The following ZCCHC7 variants were observed in gnomAD, a reference collection of about 807,000 sequenced individuals.
ZCCHC7 encodes zinc finger CCHC domain-containing protein 7.
ZCCHC7 carries 35 observed loss-of-function variants against 52.0 expected under a neutral mutation model. That is an observed-to-expected ratio of 0.67 (90% CI 0.51 to 0.89). The LOEUF is 0.89. Among genes scored for constraint, ZCCHC7 ranks in the 40% least tolerant of loss-of-function variants. ZCCHC7 has a pLI of 0.00. For synonymous variants in ZCCHC7, 217 were observed against 221.5 expected (o/e 0.98, Z 0.18); for missense variants, 574 against 649.1 (o/e 0.88, Z 1.26).
chr9:37,206,539 A>C (rs1356129317), intron 2 of ZCCHC7, among the ~76,000 whole-genome samples: 1 of 151,880 alleles, frequency 6.6e-6, no homozygotes, highest in Non-Finnish European at 1.5e-5. Context: ...TTTTGTAGAG[A>C]TGGGTTTTGC....
rs943737063 is a variant in ZCCHC7 at position 37,134,818 on chromosome 9, C to T, written c.610+7876C>T. 3.9e-5 allele frequency among the ~76,000 whole-genome samples: 6 copies of T among 152,260 alleles called. No individual in the cohort carries two copies. In the East Asian group the frequency reaches 5.8e-4, roughly 15 times the overall value. On this transcript the variant is annotated intron_variant, in intron 2 of 8. Transcript: ENST00000336755. ...TCAGCTCACCGCAACTTCCGCCTCC[C>T]GGGTTCAAGTGATTCTTCTGCCTCA...
At chr9:37,341,347 G>A (rs78947593) in intron 6 of ZCCHC7, among the ~76,000 whole-genome samples, 2 of 152,170 alleles carry the variant, frequency 1.3e-5, no homozygotes, top group Non-Finnish European at 2.9e-5. Context: ...TTATTAACAA[G>A]AGCTAAATCA....
chr9:37,209,198 G>A (rs913014694), intron 2 of ZCCHC7, among the ~76,000 whole-genome samples: 10 of 151,978 alleles, frequency 6.6e-5, no homozygotes, highest in African/African-American at 2.4e-4. Context: ...CCACAACCAC[G>A]CCTGGCTAAC....
At chr9:37,126,182 T>G in intron 1 of ZCCHC7, 130 bp from the exon 2 acceptor site, 3 of 935,622 alleles carry the variant, frequency 3.2e-6, no homozygotes, top group Non-Finnish European at 4.7e-6. Flanking sequence ...GAAAAAAAGG[T>G]ATTTTAATAT....
intron 2 of ZCCHC7, among the ~76,000 whole-genome samples, chr9:37,157,253 A>G (rs1037055631): frequency 4.0e-5 from 6 of 151,156 alleles, no homozygotes; most frequent in African/African-American, 1.5e-4. Flanking sequence ...GTGCCAGCAC[A>G]TGGGAAGATA....
intron 2 of ZCCHC7, among the ~76,000 whole-genome samples, chr9:37,227,710 A>G (rs1000306333): frequency 6.6e-6 from 1 of 152,234 alleles, no homozygotes; most frequent in African/African-American, 2.4e-5. Context: ...TAGTAAACTG[A>G]TAAGCAAATG....
chr9:37,184,616 T>G (rs1822550964), intron 2 of ZCCHC7, among the ~76,000 whole-genome samples: 1 of 152,114 alleles, frequency 6.6e-6, no homozygotes, highest in African/African-American at 2.4e-5. Context: ...CCAGCTTTAT[T>G]TATTGATCTG....
Position 37,131,367 on chromosome 9 carries a change from C to T in ZCCHC7, c.610+4425C>T, listed in dbSNP as rs544596108. Among the ~76,000 whole-genome samples the T allele has an allele frequency of 2.0e-5, 3 of 150,842 alleles. No homozygotes were observed. The East Asian group carries it at 5.9e-4, about 30-fold the overall frequency. ...AAAAAAAGAAAAAAAAAATACAGGC[C>T]GGGCATGGTGGCTCACACCTGTAAT... On this transcript the variant is annotated intron_variant, in intron 2 of 8. Transcript: ENST00000336755.
intron 2 of ZCCHC7, among the ~76,000 whole-genome samples, chr9:37,278,755 C>T (rs1374775588): frequency 6.6e-6 from 1 of 151,956 alleles, no homozygotes; most frequent in Non-Finnish European, 1.5e-5. Context: ...ACAATGGAGG[C>T]CAAATGCAGT....
Position 37,124,194 on chromosome 9 carries a change from C to T in ZCCHC7, c.-21-2118C>T, listed in dbSNP as rs116325428. On this transcript the variant is annotated intron_variant, in intron 1 of 8. Coordinates refer to ENST00000336755, the MANE Select transcript of ZCCHC7 (RefSeq NM_032226.3). ...AGAATAAATAGGCATCATTATTGCTCTTTAGGCTGTCCCTGATTTTGGACA... is the reference window on the plus strand; with the variant it reads ...AGAATAAATAGGCATCATTATTGCTTTTTAGGCTGTCCCTGATTTTGGACA... 3.0e-3 allele frequency among the ~76,000 whole-genome samples: 455 copies of T among 152,152 alleles called. 2 individuals are homozygous for T. Among genetic ancestry groups the T allele is most frequent in the African/African-American group, 0.01 (427 of 41,526 alleles).
At chr9:37,170,823 G>C (rs969202637) in intron 2 of ZCCHC7, among the ~76,000 whole-genome samples, 6 of 152,062 alleles carry the variant, frequency 3.9e-5, no homozygotes, top group African/African-American at 1.5e-4. Context: ...TTCAGTAATA[G>C]CACCTTTCTT....
intron 2 of ZCCHC7, among the ~76,000 whole-genome samples, chr9:37,224,603 A>G (rs1187159638): frequency 2.0e-5 from 3 of 152,200 alleles, no homozygotes; most frequent in Non-Finnish European, 2.9e-5. Flanking sequence ...CTTATTGCCT[A>G]GAGACAGTTT....
intron 2 of ZCCHC7, among the ~76,000 whole-genome samples, chr9:37,178,949 T>G (rs1235829603): frequency 6.6e-6 from 1 of 152,242 alleles, no homozygotes; most frequent in Non-Finnish European, 1.5e-5. Flanking sequence ...ATGTTTACTG[T>G]GTCTCTTCTT....
intron 2 of ZCCHC7, among the ~76,000 whole-genome samples, chr9:37,144,055 G>A (rs945954870): frequency 1.3e-5 from 2 of 151,714 alleles, no homozygotes; most frequent in African/African-American, 2.4e-5. Context: ...AAATGTTGAC[G>A]TAAATTAACG....
At chr9:37,196,911 C>T (rs77903711) in intron 2 of ZCCHC7, among the ~76,000 whole-genome samples, 12,954 of 151,984 alleles carry the variant, frequency 0.085, 761 homozygotes, top group Middle Eastern at 0.16. Flanking sequence ...AAGGATAAAG[C>T]TCTTGTATTA....
intron 2 of ZCCHC7, among the ~76,000 whole-genome samples, chr9:37,181,608 G>A (rs1363910051): frequency 2.6e-5 from 4 of 152,180 alleles, no homozygotes; most frequent in Non-Finnish European, 5.9e-5. Flanking sequence ...TGAAAGAAAT[G>A]AGACACCAAA....
chr9:37,175,067 T>C (rs1410532235), intron 2 of ZCCHC7, among the ~76,000 whole-genome samples: 1 of 148,716 alleles, frequency 6.7e-6, no homozygotes, highest in Non-Finnish European at 1.5e-5. Context: ...ACCCGGGAGG[T>C]GGATCGTGCC....
intron 2 of ZCCHC7, among the ~76,000 whole-genome samples, chr9:37,164,399 C>A (rs890591083): frequency 6.0e-5 from 9 of 150,588 alleles, no homozygotes; most frequent in African/African-American, 2.2e-4. Flanking sequence ...GAGCCGAGAT[C>A]ACACCACTGC....
chr9:37,176,216 A>T (rs1396275634), intron 2 of ZCCHC7, among the ~76,000 whole-genome samples: 5 of 152,142 alleles, frequency 3.3e-5, no homozygotes, highest in African/African-American at 1.2e-4. Flanking sequence ...CTGGGACTAC[A>T]GGCGCCTGCC....
Sources: allele counts gnomAD v4.1 joint callset (sites outside exome capture counted in the v4.1 genomes callset), GRCh38; gene constraint gnomAD v4.1.1; transcripts MANE v1.5; gene names NCBI Gene and HGNC (gene_info 2026-07-23, HGNC 2026-07-21).